The following NCOA2 variants were observed in gnomAD, a reference collection of about 807,000 sequenced individuals.
NCOA2 encodes nuclear receptor coactivator 2.
NCOA2 carries 21 observed loss-of-function variants against 145.1 expected under a neutral mutation model. That is an observed-to-expected ratio of 0.14 (90% CI 0.10 to 0.21). NCOA2 has a LOEUF of 0.21. Among genes scored for constraint, NCOA2 ranks in the 10% least tolerant of loss-of-function variants. NCOA2 has a pLI of 1.00. For synonymous variants in NCOA2, 619 were observed against 637.5 expected, an observed-to-expected ratio of 0.97 and a Z score of 0.44; for missense variants, 1,472 against 1,837.6, an observed-to-expected ratio of 0.80 and a Z score of 3.64.
intron 1 of NCOA2, among the ~76,000 whole-genome samples, chr8:70,338,756 A>C (rs1158673510): frequency 6.6e-6 from 1 of 152,140 alleles, no homozygotes; most frequent in Admixed American, 6.6e-5. Context: ...AGGTGGCTTC[A>C]AGGTATGCTT....
At chr8:70,133,179 T>C (rs1809345438) in intron 15 of NCOA2, among the ~76,000 whole-genome samples, 1 of 147,172 alleles carries the variant, frequency 6.8e-6, no homozygotes, top group Non-Finnish European at 1.5e-5. Flanking sequence ...TATAGGTGTG[T>C]GCCACCACAA....
intron 21 of NCOA2, among the ~76,000 whole-genome samples, chr8:70,122,258 T>A (rs1162453471): frequency 6.6e-6 from 1 of 152,098 alleles, no homozygotes; most frequent in Non-Finnish European, 1.5e-5. Context: ...AACACACGCA[T>A]ATATTTTAAG....
At chr8:70,375,340 T>C (rs1403037393) in intron 1 of NCOA2, among the ~76,000 whole-genome samples, 1 of 152,200 alleles carries the variant, frequency 6.6e-6, no homozygotes, top group African/African-American at 2.4e-5. Context: ...CAACTGTCTG[T>C]CACTTGAATT....
rs546834506 is a variant in NCOA2 at position 70,167,896 on chromosome 8, C to G, written c.542-1142G>C. On this transcript the variant is annotated intron_variant, in intron 6 of 22. Coordinates refer to ENST00000452400, the MANE Select transcript of NCOA2 (RefSeq NM_006540.4). ...TCCTCATTTGACACATAAAAAAAAT[C>G]TGATGTCCAAAGACATGTTCAACTA... Among the ~76,000 whole-genome samples the G allele has an allele frequency of 2.6e-5, 4 of 152,292 alleles. No homozygotes were observed. The East Asian group carries it at 7.7e-4, about 29-fold the overall frequency.
chr8:70,141,944 A>G (rs949077984), intron 13 of NCOA2, among the ~76,000 whole-genome samples: 1 of 152,206 alleles, frequency 6.6e-6, no homozygotes. Context: ...TATTTACTGT[A>G]GTTCTTCATA....
chr8:70,435,452 A>AAAG, the NCOA2 span, among the ~76,000 whole-genome samples: 2 of 148,076 alleles, frequency 1.4e-5, 1 homozygote, highest in African/African-American at 5.0e-5. Flanking sequence ...AAAAAAAAAA[A>AAAG]AGAATACACA....
intron 1 of NCOA2, among the ~76,000 whole-genome samples, chr8:70,384,091 C>T (rs1812458062): frequency 6.6e-6 from 1 of 152,076 alleles, no homozygotes; most frequent in South Asian, 2.1e-4. Flanking sequence ...TCTTGAAAAA[C>T]CCAAAGAACC....
At chr8:70,188,240 T>C (rs576980662) in intron 4 of NCOA2, among the ~76,000 whole-genome samples, 152 of 152,374 alleles carry the variant, frequency 1.0e-3, no homozygotes, top group African/African-American at 3.6e-3. Context: ...AAAAACGCAT[T>C]GTGTGTTGTT....
intron 1 of NCOA2, among the ~76,000 whole-genome samples, chr8:70,394,159 A>G (rs1813453042): frequency 6.6e-6 from 1 of 152,128 alleles, no homozygotes; most frequent in Non-Finnish European, 1.5e-5. Context: ...ATAAAATAAC[A>G]TGTTTTTGTT....
At chr8:70,222,506 ATTAC>A (rs1820240665) in intron 2 of NCOA2, among the ~76,000 whole-genome samples, 1 of 152,232 alleles carries the variant, frequency 6.6e-6, no homozygotes, top group African/African-American at 2.4e-5. Flanking sequence ...CTGCTCTTAG[ATTAC>A]TTTTGTATAA....
chr8:70,408,947 C>A, the NCOA2 span, among the ~76,000 whole-genome samples: 1 of 151,920 alleles, frequency 6.6e-6, no homozygotes. Context: ...ATTTTTAAAA[C>A]AAGAGATGGG....
At chr8:70,132,711 G>A (rs753891648) in intron 15 of NCOA2, among the ~76,000 whole-genome samples, 6 of 152,204 alleles carry the variant, frequency 3.9e-5, no homozygotes, top group South Asian at 2.1e-4. Context: ...CTATAGGCAC[G>A]CGCCACCACG....
intron 1 of NCOA2, among the ~76,000 whole-genome samples, chr8:70,351,039 C>T (rs1053014217): frequency 6.6e-6 from 1 of 152,200 alleles, no homozygotes; most frequent in Non-Finnish European, 1.5e-5. Flanking sequence ...CAAGAGACAG[C>T]TAAACTCACT....
intron 2 of NCOA2, among the ~76,000 whole-genome samples, chr8:70,290,409 C>T (rs982483475): frequency 3.9e-5 from 6 of 152,024 alleles, no homozygotes; most frequent in Admixed American, 1.3e-4. Context: ...AGGATGGTCT[C>T]GATCTCCTAA....
At chr8:70,435,120 T>G in the NCOA2 span, among the ~76,000 whole-genome samples, 3 of 152,258 alleles carry the variant, frequency 2.0e-5, no homozygotes, top group South Asian at 6.2e-4. Flanking sequence ...AATCAATTTC[T>G]GCTCTCATTA....
At chr8:70,229,471 G>A (rs896665174) in intron 2 of NCOA2, among the ~76,000 whole-genome samples, 3 of 152,198 alleles carry the variant, frequency 2.0e-5, no homozygotes, top group Non-Finnish European at 4.4e-5. Flanking sequence ...AAGTGAAGGG[G>A]AGATGGGTGA....
intron 22 of NCOA2, among the ~76,000 whole-genome samples, chr8:70,117,931 T>C (rs993207827): frequency 3.3e-5 from 5 of 152,222 alleles, no homozygotes; most frequent in South Asian, 2.1e-4. Context: ...GCTTTTATAG[T>C]AGGTGAGTCT....
rs1806633116 is a variant in NCOA2, at chr8:70,112,559, C to G, written c.*1073G>C. The G allele has an allele frequency of 4.9e-6, 1 of 204,792 alleles. No homozygotes were observed. The allele number at this position is 204,792 out of a possible 1,614,324, so 12.7% of individuals were successfully genotyped here. On this transcript the variant is annotated 3_prime_UTR_variant, in exon 23 of 23. Transcript: ENST00000452400. ...TTTGGAGGCCAGAGTTGCTGGGGAA[C>G]AGAATAAACATGCTTCCAAAGCAGG...
intron 1 of NCOA2, among the ~76,000 whole-genome samples, chr8:70,369,634 C>A (rs573797126): frequency 1.1e-4 from 17 of 152,196 alleles, no homozygotes; most frequent in African/African-American, 3.9e-4. Flanking sequence ...CTACTTCTGC[C>A]AATGATTAAT....
Sources: allele counts gnomAD v4.1 joint callset (sites outside exome capture counted in the v4.1 genomes callset), GRCh38; gene constraint gnomAD v4.1.1; transcripts MANE v1.5; gene names NCBI Gene and HGNC (gene_info 2026-07-23, HGNC 2026-07-21).